The following CADM3 variants were observed in gnomAD, a reference collection of about 807,000 sequenced individuals.
CADM3 encodes cell adhesion molecule 3, also known as TSLC1-like 1.
Under a neutral mutation model 44.9 loss-of-function variants are expected in CADM3, and 11 were observed. The ratio of observed to expected loss-of-function variants is 0.25; its 90% CI spans 0.15 to 0.41. The LOEUF (loss-of-function observed/expected upper bound fraction) is 0.41. CADM3 is among the 10% of genes least tolerant of loss of function. The probability of loss-of-function intolerance (pLI) is 1.00; values close to 1 mark genes in which losing one functional copy is unlikely to be tolerated. For missense variants in CADM3, 426 were observed against 512.0 expected (o/e 0.83, Z 1.62); for synonymous variants, 207 against 205.2 (o/e 1.01, Z -0.08).
intron 1 of CADM3, among the ~76,000 whole-genome samples, chr1:159,180,217 G>A (rs563691383): frequency 1.3e-5 from 2 of 152,168 alleles, no homozygotes; most frequent in South Asian, 4.2e-4. Flanking sequence ...GATTAATATG[G>A]GCATGTGAAA....
chr1:159,199,011 G>C (rs975165067), intron 7 of CADM3, among the ~76,000 whole-genome samples: 3 of 152,134 alleles, frequency 2.0e-5, no homozygotes, highest in African/African-American at 7.2e-5. Flanking sequence ...TAGAGGCTTG[G>C]GGTTTCACTG....
chr1:159,195,576 G>A (rs1649854058), intron 5 of CADM3: 1 of 152,230 alleles, frequency 6.6e-6, no homozygotes, highest in Admixed American at 6.5e-5. Context: ...GGTTTCTATG[G>A]CCATGGGGTC....
chr1:159,173,955 G>C (rs1035366176), intron 1 of CADM3, among the ~76,000 whole-genome samples: 23 of 152,212 alleles, frequency 1.5e-4, no homozygotes, highest in African/African-American at 5.5e-4. Context: ...TTAAAGTTGA[G>C]AGGAAGAGAA....
At chr1:159,196,605 C>T (rs1026658616) in intron 6 of CADM3, 151 bp downstream of exon 6, 3 of 702,904 alleles carry the variant, frequency 4.3e-6, no homozygotes, top group Admixed American at 2.5e-5. Context: ...GCAATTAGTT[C>T]TTCTGCAAAG....
Position 159,194,099 on chromosome 1 carries a change from A to C in CADM3, c.691+59A>C, listed in dbSNP as rs892900033. The C allele has an allele frequency of 3.3e-6, 5 of 1,531,136 alleles. No individual in the cohort carries two copies. In the African/African-American group the frequency reaches 6.9e-5, roughly 21 times the overall value. 94.8% of individuals were successfully genotyped at this position (1,531,136 alleles called of 1,614,324 possible). A position where few individuals can be genotyped will look rare whatever the true frequency, so the allele number is the denominator to read the frequency against. ...GGTATGAGATGAGGACCAGGGAGAA[A>C]GAGAATGCAGGTGACTGTGCATGAA... On this transcript the variant is annotated intron_variant, in intron 5 of 8. Coordinates refer to ENST00000368125, the MANE Select transcript of CADM3 (RefSeq NM_001127173.3).
intron 6 of CADM3, 138 bp from the exon 7 acceptor site, chr1:159,196,753 T>C: frequency 9.5e-6 from 8 of 841,810 alleles, no homozygotes; most frequent in Non-Finnish European, 1.1e-5. Flanking sequence ...GTATAGCAGC[T>C]CCAGTGTCTC....
rs1648804493 is a variant in CADM3 at position 159,171,725 on chromosome 1, G to C, written c.-41G>C. 1 of 1,221,614 alleles carries C rather than the reference G, an allele frequency of 8.2e-7. No homozygotes were observed. The highest frequency in any genetic ancestry group is 4.2e-5 in the Admixed American group (1 of 23,674). The allele number at this position is 1,221,614 out of a possible 1,614,324, so 75.7% of individuals were successfully genotyped here. The stretch of plus-strand genomic sequence containing the variant: ...CCCATCCCCAGCCCCCGGGGATTCA[G>C]GCTCGCCAGCGCCCAGCCAGGGAGC... On this transcript the variant is annotated 5_prime_UTR_variant, in exon 1 of 9. Coordinates refer to ENST00000368125, the MANE Select transcript of CADM3 (RefSeq NM_001127173.3).
At chr1:159,172,998 C>T (rs925839155) in intron 1 of CADM3, among the ~76,000 whole-genome samples, 8 of 151,970 alleles carry the variant, frequency 5.3e-5, no homozygotes, top group African/African-American at 1.2e-4. Flanking sequence ...GGAATGCATC[C>T]TCCTCCCCCC....
At chr1:159,180,243 G>A (rs531320468) in intron 1 of CADM3, among the ~76,000 whole-genome samples, 1 of 152,180 alleles carries the variant, frequency 6.6e-6, no homozygotes, top group East Asian at 1.9e-4. Flanking sequence ...TCTGTATCTG[G>A]GTCATAATAA....
chr1:159,194,171 G>A (rs1271584034), intron 5 of CADM3, 131 bp downstream of exon 5: 33 of 998,240 alleles, frequency 3.3e-5, no homozygotes, highest in Non-Finnish European at 4.5e-5. Flanking sequence ...AACAAAGACT[G>A]CCAGGACTAG....
chr1:159,193,985 C>T lies in CADM3; in HGVS notation c.636C>T (p.Asn212=). The change falls in exon 5 of 9, where the codon AAC becomes AAT. Residue 212 remains asparagine (N), a synonymous_variant. Transcript: ENST00000368125. The part of the protein sequence containing the change: ...DDGASIVCSV[N]HESLKGADRS... ...GGGCGAGCATCGTGTGCTCTGTGAA[C>T]CATGAATCTCTAAAGGGAGCTGACA... 1 of 1,614,104 alleles carries T rather than the reference C, an allele frequency of 6.2e-7. No homozygotes were observed.
intron 3 of CADM3, among the ~76,000 whole-genome samples, chr1:159,193,036 T>C (rs766698865): frequency 3.3e-5 from 5 of 152,198 alleles, no homozygotes; most frequent in Non-Finnish European, 4.4e-5. Context: ...ACACAAGACA[T>C]GCATGTGTTA....
At chr1:159,178,075 A>G (rs1395993108) in intron 1 of CADM3, among the ~76,000 whole-genome samples, 2 of 152,220 alleles carry the variant, frequency 1.3e-5, no homozygotes, top group Non-Finnish European at 2.9e-5. Context: ...TAGATTACTT[A>G]TAATACCATA....
chr1:159,199,561 T>C (rs1277896456), intron 7 of CADM3, among the ~76,000 whole-genome samples, 190 bp from the exon 8 acceptor site: 1 of 152,160 alleles, frequency 6.6e-6, no homozygotes, highest in Non-Finnish European at 1.5e-5. Flanking sequence ...ATCCATCAAT[T>C]TGTTTTAACA....
At chr1:159,189,777 G>A in intron 1 of CADM3, 1 of 1,605,224 alleles carries the variant, frequency 6.2e-7, no homozygotes, top group East Asian at 2.2e-5. Context: ...CCAGGCTACT[G>A]GCAGGAGCAG....
intron 1 of CADM3, among the ~76,000 whole-genome samples, chr1:159,172,532 C>T (rs577131263): frequency 5.4e-4 from 82 of 152,084 alleles, no homozygotes; most frequent in African/African-American, 1.8e-3. Flanking sequence ...GTGGTAGAAG[C>T]TGGGAAAAGA....
chr1:159,196,531 C>T (rs1015364415), intron 6 of CADM3, 77 bp downstream of exon 6: 2 of 1,143,894 alleles, frequency 1.7e-6, no homozygotes, highest in Non-Finnish European at 2.6e-6. Flanking sequence ...CAGCTCCTTC[C>T]TATCTCCTCT....
chr1:159,196,325 G>T lies in CADM3; in HGVS notation c.692-39G>T, dbSNP rs1382656152. The T allele has an allele frequency of 9.2e-6, 14 of 1,515,692 alleles. No homozygotes were observed. The Admixed American group carries it at 2.3e-4, about 25-fold the overall frequency. 93.9% of individuals were successfully genotyped at this position (1,515,692 alleles called of 1,614,324 possible). On this transcript the variant is annotated intron_variant, in intron 5 of 8. Coordinates refer to ENST00000368125, the MANE Select transcript of CADM3 (RefSeq NM_001127173.3). ...TAAGTGAGGGAATCTCCTAAGCCGT[G>T]TGGGGAGGTATTCATTGATACCATT...
At chr1:159,200,563 TC>T (rs59956986) in intron 8 of CADM3, among the ~76,000 whole-genome samples, 36,291 of 151,982 alleles carry the variant, frequency 0.24, 5,645 homozygotes, top group Non-Finnish European at 0.35. Flanking sequence ...CACTTCTCTT[TC>T]TTGCTTTGTA....
Sources: allele counts gnomAD v4.1 joint callset (sites outside exome capture counted in the v4.1 genomes callset), GRCh38; gene constraint gnomAD v4.1.1; transcripts MANE v1.5; gene names NCBI Gene and HGNC (gene_info 2026-07-23, HGNC 2026-07-21).